Variants in ALPK3 observed in about 807,000 individuals in gnomAD.
The protein encoded by ALPK3 is alpha kinase 3.
Under a neutral mutation model 140.0 loss-of-function variants are expected in ALPK3, and 102 were observed. The observed-to-expected ratio is 0.73, with a 90% CI of 0.62 to 0.86. The LOEUF (loss-of-function observed/expected upper bound fraction) is 0.86. Among genes scored for constraint, ALPK3 ranks in the 40% least tolerant of loss-of-function variants. The pLI, the probability that ALPK3 is intolerant of heterozygous loss-of-function variation, is 0.00. For synonymous variants in ALPK3, 938 were observed against 898.5 expected (o/e 1.04, Z -0.79); for missense variants, 2,254 against 2,208.2 (o/e 1.02, Z -0.42).
intron 1 of ALPK3, among the ~76,000 whole-genome samples, chr15:84,822,442 T>A (rs146631872): frequency 6.6e-6 from 1 of 152,070 alleles, no homozygotes; most frequent in Non-Finnish European, 1.5e-5. Flanking sequence ...GTGAGCACCA[T>A]TGAACAGGCT....
In ALPK3 at chr15:84,862,912, C is replaced by G. The variant is rs572906973; in HGVS notation, c.4407C>G (p.Ile1469Met). The G allele has an allele frequency of 6.2e-7, 1 of 1,613,122 alleles. No homozygotes were observed. The highest frequency in any genetic ancestry group is 8.5e-7 in the Non-Finnish European group (1 of 1,179,272). The change falls in exon 10 of 14, where the codon ATC becomes ATG. Residue 1469 changes from isoleucine (I) to methionine (M), a missense_variant. Around this residue, in one of 3 missense-constraint regions of ALPK3, gnomAD observed 2,088 missense variants for 2,022.9 expected, o/e 1.03. Transcript: ENST00000258888. ...TGGGCAGAAACTACGACGTCACCAT[C>G]CAGGTACTATGTCCCATCTTCACAC... Reference protein sequence around the residue: ...SLVGRNYDVTIQGCKIQNMSR... With the variant: ...SLVGRNYDVTMQGCKIQNMSR...
chr15:84,864,939 A>T (rs1171543767), intron 12 of ALPK3, among the ~76,000 whole-genome samples: 1 of 152,146 alleles, frequency 6.6e-6, no homozygotes, highest in East Asian at 1.9e-4. Flanking sequence ...TATTTCAAAG[A>T]CCATTACATG....
intron 5 of ALPK3, among the ~76,000 whole-genome samples, chr15:84,847,205 C>CGG (rs1555434910): frequency 3.7e-5 from 4 of 106,878 alleles, no homozygotes; most frequent in Non-Finnish European, 7.4e-5. Flanking sequence ...GAGGGAGAAA[C>CGG]GGGGAGAGAG....
In ALPK3 at chr15:84,867,366, G is replaced by A. The variant is rs111752806; in HGVS notation, c.4772+1G>A. 14 of 1,614,036 alleles carry A rather than the reference G, an allele frequency of 8.7e-6. No homozygotes were observed. Among genetic ancestry groups the A allele is most frequent in the Non-Finnish European group, 1.1e-5 (13 of 1,179,984 alleles). On this transcript the variant is annotated splice_donor_variant, in intron 13 of 13. Coordinates refer to ENST00000258888, the MANE Select transcript of ALPK3 (RefSeq NM_020778.5). LOFTEE classifies it high-confidence loss of function. ...TGCAGATTGCTACCAAACTCCGAGG[G>A]TGAGTGGTTCTTGGGGACAGAATGC... is the stretch of plus-strand genomic sequence containing the variant.
intron 11 of ALPK3, 23 bp downstream of exon 11, chr15:84,863,663 G>T (rs199926526): frequency 1.2e-6 from 2 of 1,607,152 alleles, no homozygotes; most frequent in African/African-American, 1.3e-5. Flanking sequence ...CGAGGAGGAC[G>T]TGCAGTGTGC....
intron 10 of ALPK3, 149 bp downstream of exon 10, chr15:84,863,064 C>G: frequency 8.9e-7 from 1 of 1,121,984 alleles, no homozygotes; most frequent in Non-Finnish European, 1.2e-6. Flanking sequence ...TGTGGAAAGC[C>G]TGAGATGCAG....
At chr15:84,824,439 T>C (rs1197075303) in intron 2 of ALPK3, among the ~76,000 whole-genome samples, 5 of 152,182 alleles carry the variant, frequency 3.3e-5, no homozygotes, top group African/African-American at 9.6e-5. Context: ...ACTCTGATAG[T>C]TTTGGGGAGA....
chr15:84,817,948 G>T (rs1167064652), intron 1 of ALPK3, among the ~76,000 whole-genome samples: 1 of 151,872 alleles, frequency 6.6e-6, no homozygotes, highest in African/African-American at 2.4e-5. Flanking sequence ...AAGCCAGAGT[G>T]GCTGAAATTC....
rs910145513 is a variant in ALPK3, at chr15:84,823,475, G to A, written c.182+107G>A. The A allele has an allele frequency of 1.2e-5, 16 of 1,304,510 alleles. No homozygotes were observed. The African/African-American group carries it at 2.2e-4, about 18-fold the overall frequency. 80.8% of individuals were successfully genotyped at this position (1,304,510 alleles called of 1,614,324 possible). A position where few individuals can be genotyped will look rare whatever the true frequency, so the allele number is the denominator to read the frequency against. ...GCACTAACCAGGCTGCATGGGGTGA[G>A]GGGAGAGCTGGAGGGTGGGTGGGGA... On this transcript the variant is annotated intron_variant, in intron 2 of 13. Transcript: ENST00000258888.
intron 1 of ALPK3, among the ~76,000 whole-genome samples, chr15:84,818,670 G>A (rs953025250): frequency 6.6e-6 from 1 of 152,190 alleles, no homozygotes; most frequent in African/African-American, 2.4e-5. Flanking sequence ...TCGTGAATTG[G>A]CTGAGTCCTA....
At chr15:84,817,868 G>C (rs1963379328) in intron 1 of ALPK3, among the ~76,000 whole-genome samples, 1 of 152,206 alleles carries the variant, frequency 6.6e-6, no homozygotes, top group Admixed American at 6.5e-5. Context: ...GGGTCTGAAG[G>C]CTTTCCTTAT....
rs1229820897 is a variant in ALPK3 at position 84,862,874 on chromosome 15, G to A, written c.4369G>A (p.Glu1457Lys). 1 of 1,614,122 alleles carries A rather than the reference G, an allele frequency of 6.2e-7. No individual in the cohort carries two copies. The highest frequency in any genetic ancestry group is 8.5e-7 in the Non-Finnish European group (1 of 1,180,008). ...CCTGCTTGTGTTTGGGCCCAGCAGT[G>A]AGACTTCTCTTGTGGGCAGAAACTA... Reference protein sequence around the residue: ...SSLLVFGPSSETSLVGRNYDV... With the variant: ...SSLLVFGPSSKTSLVGRNYDV... The change falls in exon 10 of 14, where the codon GAG becomes AAG. Residue 1457 changes from glutamate (E) to lysine (K), a missense_variant. Glu to Lys is a moderately conservative substitution (Grantham distance 56, BLOSUM62 1). This residue lies in a region of ALPK3 where 2,088 missense variants were observed against 2,022.9 expected (regional missense o/e 1.03). Transcript: ENST00000258888.
chr15:84,832,759 C>T (rs925401678), intron 3 of ALPK3, among the ~76,000 whole-genome samples: 16 of 152,196 alleles, frequency 1.1e-4, no homozygotes, highest in African/African-American at 3.9e-4. Context: ...AAAACCAGTA[C>T]CTTTTCCACT....
chr15:84,850,057 A>G (rs1963784831), intron 5 of ALPK3, among the ~76,000 whole-genome samples: 1 of 146,132 alleles, frequency 6.8e-6, no homozygotes, highest in Non-Finnish European at 1.5e-5. Context: ...AGGGGATATC[A>G]CTACAGACCC....
chr15:84,862,871 A>T lies in ALPK3; in HGVS notation c.4366A>T (p.Ser1456Cys). Residue 1456 changes from serine to cysteine, a missense_variant, in exon 10 of 14, where the codon AGT becomes TGT. Coordinates refer to ENST00000258888, the MANE Select transcript of ALPK3 (RefSeq NM_020778.5). ...CAGCCTGCTTGTGTTTGGGCCCAGC[A>T]GTGAGACTTCTCTTGTGGGCAGAAA... ...VSSLLVFGPS[S>C]ETSLVGRNYD... 1 of 1,614,142 alleles carries T rather than the reference A, an allele frequency of 6.2e-7. No homozygotes were observed. Among genetic ancestry groups the T allele is most frequent in the Non-Finnish European group, 8.5e-7 (1 of 1,180,030 alleles).
At chr15:84,838,885 G>C in intron 3 of ALPK3, 95 bp from the exon 4 acceptor site, 2 of 1,029,292 alleles carry the variant, frequency 1.9e-6, no homozygotes, top group Non-Finnish European at 3.0e-6. Flanking sequence ...GCCTCCCAAA[G>C]TGCTGGGATT....
chr15:84,841,057 G>T (rs1963659436), intron 5 of ALPK3, 125 bp downstream of exon 5: 3 of 1,318,048 alleles, frequency 2.3e-6, no homozygotes, highest in Non-Finnish European at 3.0e-6. Context: ...GGAGGGACTG[G>T]AGTGCCAGCT....
At chr15:84,817,739 T>A in intron 1 of ALPK3, 144 bp downstream of exon 1, 1 of 1,102,890 alleles carries the variant, frequency 9.1e-7, no homozygotes, top group South Asian at 2.1e-5. Context: ...CCTGGGGACA[T>A]GGCCGGGCTG....
intron 1 of ALPK3, among the ~76,000 whole-genome samples, chr15:84,820,521 C>A (rs1055670906): frequency 1.3e-5 from 2 of 151,918 alleles, no homozygotes; most frequent in African/African-American, 4.8e-5. Flanking sequence ...TGCTCTGACA[C>A]CCAGGCTGGA....
Sources: gnomAD v4.1 joint callset for allele counts (sites outside exome capture counted in the v4.1 genomes callset) on GRCh38, gnomAD v4.1.1 for gene constraint, gnomAD v4.1.1 regional missense constraint, MANE v1.5 for transcripts, NCBI Gene and HGNC (gene_info 2026-07-23, HGNC 2026-07-21) for gene names.